USP37: variants seen among roughly 807,000 people sequenced by gnomAD.
The protein encoded by USP37 is ubiquitin specific peptidase 37, also known as ubiquitin carboxyl-terminal hydrolase 37.
Under a neutral mutation model 124.0 loss-of-function variants are expected in USP37, and 27 were observed. The observed-to-expected ratio is 0.22, with a 90% CI of 0.16 to 0.30. The LOEUF is 0.30. Among genes scored for constraint, USP37 ranks in the 10% least tolerant of loss-of-function variants. The pLI, the probability that USP37 is intolerant of heterozygous loss-of-function variation, is 1.00. For missense variants in USP37, 889 were observed against 1,140.4 expected (o/e 0.78, Z 3.17); for synonymous variants, 365 against 388.0 (o/e 0.94, Z 0.70).
At chr2:218,549,468 T>C (rs1488732798) in intron 6 of USP37, among the ~76,000 whole-genome samples, 1 of 149,778 alleles carries the variant, frequency 6.7e-6, no homozygotes, top group Non-Finnish European at 1.5e-5. Flanking sequence ...GACTATCTTT[T>C]TTTTTTTTTT....
intron 17 of USP37, among the ~76,000 whole-genome samples, chr2:218,480,776 T>C (rs1486856229): frequency 6.6e-6 from 1 of 152,196 alleles, no homozygotes; most frequent in Non-Finnish European, 1.5e-5. Flanking sequence ...CATACACTAT[T>C]AGTGTGACAT....
chr2:218,547,175 A>T lies in USP37; in HGVS notation c.430-84T>A. The stretch of plus-strand genomic sequence containing the variant: ...CAGTGATTCTCCAATGGAAAGGTTT[A>T]AAAAATACAAATGGAGCCAGGTGCG... On this transcript the variant is annotated intron_variant, in intron 6 of 25. Transcript: ENST00000258399. 3 of 1,432,982 alleles carry T rather than the reference A, an allele frequency of 2.1e-6. No individual in the cohort carries two copies. In the South Asian group the frequency reaches 4.2e-5, roughly 20 times the overall value. 88.8% of individuals were successfully genotyped at this position (1,432,982 alleles called of 1,614,324 possible).
intron 5 of USP37, among the ~76,000 whole-genome samples, chr2:218,551,885 C>T (rs1392503092): frequency 5.3e-5 from 8 of 152,138 alleles, no homozygotes; most frequent in Admixed American, 3.3e-4. Context: ...CTCTGCCTCC[C>T]GGGTTCACGC....
Position 218,529,886 on chromosome 2 carries a change from T to C in USP37, c.863+70A>G, listed in dbSNP as rs1028391908. On this transcript the variant is annotated intron_variant, in intron 10 of 25. Coordinates refer to ENST00000258399, the MANE Select transcript of USP37 (RefSeq NM_020935.3). ...ACTTAAGAGGATAATACATAACCTA[T>C]CCAATCATTCAATATTCTGAAAAAA... 9 of 1,205,722 alleles carry C rather than the reference T, an allele frequency of 7.5e-6. No homozygotes were observed. In the African/African-American group the frequency reaches 1.1e-4, roughly 14 times the overall value. 74.7% of individuals were successfully genotyped at this position (1,205,722 alleles called of 1,614,324 possible).
chr2:218,546,699 G>T (rs1015815104), intron 7 of USP37, among the ~76,000 whole-genome samples: 1 of 152,136 alleles, frequency 6.6e-6, no homozygotes, highest in South Asian at 2.1e-4. Context: ...GATTACAGGC[G>T]TGAGCTATCA....
At chr2:218,540,545 T>G (rs148073954) in intron 8 of USP37, among the ~76,000 whole-genome samples, 1 of 152,122 alleles carries the variant, frequency 6.6e-6, no homozygotes, top group African/African-American at 2.4e-5. Context: ...TTTGGGAGGC[T>G]GAGGCTTGAC....
At position 218,488,362 on chromosome 2, in the gene USP37, C is replaced by G. The variant is rs376395010; in HGVS notation, c.1532G>C (p.Arg511Pro). Residue 511 changes from arginine (R) to proline (P), a missense_variant, in exon 15 of 26, where the codon CGT becomes CCT. By Grantham distance (103) the Arg-to-Pro change is moderately radical. This residue lies in a region of USP37 where 504 missense variants were observed against 714.3 expected (regional missense o/e 0.71). Transcript: ENST00000258399. ...ACGAGGAGGGAGTGGTTTTTTCCTA[C>G]GAGGAAGGTCAATAGAGAGGTCATT... is the stretch of plus-strand genomic sequence containing the variant. ...QFNDLSIDLP[R>P]RKKPLPPRSI... The G allele has an allele frequency of 6.2e-7, 1 of 1,612,302 alleles. No individual in the cohort carries two copies. The highest frequency in any genetic ancestry group is 1.3e-5 in the African/African-American group (1 of 74,720).
intron 15 of USP37, 69 bp downstream of exon 15, chr2:218,488,235 C>A: frequency 1.9e-5 from 17 of 884,882 alleles, no homozygotes; most frequent in East Asian, 3.1e-5. Context: ...AAACCAACTT[C>A]AAATATTCAA....
At chr2:218,478,248 C>T (rs984052970) in intron 18 of USP37, among the ~76,000 whole-genome samples, 3 of 152,138 alleles carry the variant, frequency 2.0e-5, no homozygotes, top group Admixed American at 2.0e-4. Flanking sequence ...CACTGCACTC[C>T]AACCTGAACA....
intron 3 of USP37, among the ~76,000 whole-genome samples, chr2:218,560,584 A>C (rs1693254021): frequency 6.6e-6 from 1 of 152,218 alleles, no homozygotes; most frequent in South Asian, 2.1e-4. Flanking sequence ...TCACTAACTC[A>C]ACTATCTATA....
At chr2:218,474,494 T>TG in intron 20 of USP37, 136 bp downstream of exon 20, 1 of 1,294,060 alleles carries the variant, frequency 7.7e-7, no homozygotes, top group South Asian at 1.5e-5. Flanking sequence ...CCCGAGTAGC[T>TG]GGGATTAGGG....
intron 19 of USP37, among the ~76,000 whole-genome samples, chr2:218,475,370 C>T (rs574856696): frequency 1.3e-5 from 2 of 152,282 alleles, no homozygotes; most frequent in Non-Finnish European, 2.9e-5. Flanking sequence ...GTAATCCCAG[C>T]GGTGGATCAC....
chr2:218,496,797 C>T (rs13403595), intron 13 of USP37, among the ~76,000 whole-genome samples: 25 of 151,740 alleles, frequency 1.6e-4, no homozygotes, highest in African/African-American at 5.6e-4. Flanking sequence ...TACAGACATG[C>T]GACATCACGC....
At chr2:218,510,924 G>A (rs559137659) in intron 10 of USP37, among the ~76,000 whole-genome samples, 4 of 152,168 alleles carry the variant, frequency 2.6e-5, no homozygotes, top group African/African-American at 9.6e-5. Flanking sequence ...GAGCCTGGGA[G>A]GCAGAGGTTG....
chr2:218,504,048 A>G (rs1464262998), intron 11 of USP37, among the ~76,000 whole-genome samples: 2 of 152,248 alleles, frequency 1.3e-5, no homozygotes, highest in Non-Finnish European at 2.9e-5. Flanking sequence ...GGGGCATTTC[A>G]TAACAATAGG....
intron 20 of USP37, among the ~76,000 whole-genome samples, chr2:218,467,515 A>G (rs947979277): frequency 6.6e-6 from 1 of 152,052 alleles, no homozygotes; most frequent in South Asian, 2.1e-4. Flanking sequence ...CGCCCGGCTA[A>G]TTTTTGTATT....
At chr2:218,563,320 G>T (rs1693413456) in intron 1 of USP37, among the ~76,000 whole-genome samples, 1 of 152,140 alleles carries the variant, frequency 6.6e-6, no homozygotes, top group African/African-American at 2.4e-5. Flanking sequence ...GAACTTATCT[G>T]CTGTGCATAA....
chr2:218,556,292 C>T (rs995270008), intron 4 of USP37, among the ~76,000 whole-genome samples: 1 of 151,602 alleles, frequency 6.6e-6, no homozygotes, highest in African/African-American at 2.4e-5. Context: ...CCAGTTTGGC[C>T]AGAAAATATA....
At chr2:218,524,718 T>C (rs1166697330) in intron 10 of USP37, among the ~76,000 whole-genome samples, 1 of 152,220 alleles carries the variant, frequency 6.6e-6, no homozygotes, top group Non-Finnish European at 1.5e-5. Flanking sequence ...CAAGTGATTC[T>C]CCTGTCGCAG....
Sources: allele counts gnomAD v4.1 joint callset (sites outside exome capture counted in the v4.1 genomes callset), GRCh38; gene constraint gnomAD v4.1.1; regional missense constraint gnomAD v4.1.1; transcripts MANE v1.5; gene names NCBI Gene and HGNC (gene_info 2026-07-23, HGNC 2026-07-21).